The following IGSF3 variants were observed in gnomAD, a reference collection of about 807,000 sequenced individuals.
IGSF3 encodes the protein immunoglobulin superfamily member 3, also known as glu-Trp-Ile EWI motif-containing protein 3.
A neutral mutation model predicts 114.4 loss-of-function variants in IGSF3; 23 were observed. The observed-to-expected ratio is 0.20, with a 90% CI of 0.14 to 0.28. IGSF3 has a LOEUF of 0.28. IGSF3 is among the 10% of genes least tolerant of loss of function. The pLI, the probability that IGSF3 is intolerant of heterozygous loss-of-function variation, is 1.00. For missense variants in IGSF3, 1,172 were observed against 1,591.5 expected (o/e 0.74, Z 4.48); for synonymous variants, 571 against 645.2 (o/e 0.88, Z 1.74).
Position 116,575,090 on chromosome 1 carries a change from A to T in IGSF3, c.*2222T>A, listed in dbSNP as rs1438308059. On this transcript the variant is annotated 3_prime_UTR_variant, in exon 11 of 11. Coordinates refer to ENST00000369486, the MANE Select transcript of IGSF3 (RefSeq NM_001007237.3). The surrounding 1 kb of genome is among the most constrained non-coding windows in gnomAD (Gnocchi z 5.6). ...AATCTTAGTTACACATCCTAGTCCC[A>T]GCCAGCGCTCTGGCAACCTCCCATT... The T allele has an allele frequency of 6.6e-6, 1 of 152,622 alleles. No individual in the cohort carries two copies. Among genetic ancestry groups the T allele is most frequent in the Non-Finnish European group, 1.5e-5 (1 of 68,032 alleles). The allele number at this position is 152,622 out of a possible 1,614,324, so 9.5% of individuals were successfully genotyped here. A position where few individuals can be genotyped will look rare whatever the true frequency, so the allele number is the denominator to read the frequency against.
At chr1:116,606,758 T>C (rs565157102) in intron 5 of IGSF3, among the ~76,000 whole-genome samples, 3 of 152,290 alleles carry the variant, frequency 2.0e-5, no homozygotes, top group Non-Finnish European at 4.4e-5. Context: ...GTAAAGACAG[T>C]GGGCATTCAA....
In IGSF3 at chr1:116,585,114, T is replaced by C; in HGVS notation, c.2441-62A>G. ...ACAACAAGCAATTCGTACGCACCCT[T>C]TCCCAGGGTAGGTGAATGGATGCCT... is the stretch of plus-strand genomic sequence containing the variant. On this transcript the variant is annotated intron_variant, in intron 8 of 10. Coordinates refer to ENST00000369486, the MANE Select transcript of IGSF3 (RefSeq NM_001007237.3). This position sits in a 1 kb window ranked among gnomAD's most constrained non-coding sequence, Gnocchi z 4.9. 7.6e-7 allele frequency: 1 copy of C among 1,322,682 alleles called. No homozygotes were observed. The highest frequency in any genetic ancestry group is 1.5e-5 in the South Asian group (1 of 64,576). The allele number at this position is 1,322,682 out of a possible 1,614,324, so 81.9% of individuals were successfully genotyped here. A position where few individuals can be genotyped will look rare whatever the true frequency, so the allele number is the denominator to read the frequency against.
In IGSF3 at chr1:116,629,928, T is replaced by C. The variant is rs1250892698; in HGVS notation, c.44-13471A>G. Among the ~76,000 whole-genome samples, 1 of 152,216 alleles carries C rather than the reference T, an allele frequency of 6.6e-6. No homozygotes were observed. The highest frequency in any genetic ancestry group is 2.4e-5 in the African/African-American group (1 of 41,458). Reference sequence around the variant, plus strand: ...AGGCATTAACAGAGACTGTGAGCCCTGATGAAAATCATCCTTTCAGGGTAC... The same window carrying C: ...AGGCATTAACAGAGACTGTGAGCCCCGATGAAAATCATCCTTTCAGGGTAC... On this transcript the variant is annotated intron_variant, in intron 2 of 10. Coordinates refer to ENST00000369486, the MANE Select transcript of IGSF3 (RefSeq NM_001007237.3). This position sits in a 1 kb window ranked among gnomAD's most constrained non-coding sequence, Gnocchi z 4.3.
At chr1:116,597,324 A>G (rs1040105257) in intron 7 of IGSF3, among the ~76,000 whole-genome samples, 32 of 152,368 alleles carry the variant, frequency 2.1e-4, no homozygotes, top group African/African-American at 7.2e-4. Flanking sequence ...TTTCCCCAAA[A>G]TGAATGCACC....
At chr1:116,601,142 A>G (rs1011333692) in intron 6 of IGSF3, among the ~76,000 whole-genome samples, 9 of 152,200 alleles carry the variant, frequency 5.9e-5, no homozygotes, top group Admixed American at 3.3e-4. Flanking sequence ...CTTTGCTCTC[A>G]TCATGCTCCA....
In IGSF3 at chr1:116,644,367, T is replaced by C. The variant is rs1402596828; in HGVS notation, c.43+21917A>G. Among the ~76,000 whole-genome samples the C allele has an allele frequency of 2.0e-5, 3 of 152,210 alleles. No individual in the cohort carries two copies. Among genetic ancestry groups the C allele is most frequent in the East Asian group, 3.9e-4 (2 of 5,182 alleles). On this transcript the variant is annotated intron_variant, in intron 2 of 10. Coordinates refer to ENST00000369486, the MANE Select transcript of IGSF3 (RefSeq NM_001007237.3). The surrounding 1 kb of genome is among the most constrained non-coding windows in gnomAD (Gnocchi z 5.6). ...CAAGCTCCAGACGGGAGATGCGCCA[T>C]ATAACAGCAGCAGTTCCACACAGCC...
intron 7 of IGSF3, among the ~76,000 whole-genome samples, chr1:116,597,725 A>G (rs1005682639): frequency 6.6e-6 from 1 of 152,200 alleles, no homozygotes; most frequent in African/African-American, 2.4e-5. Context: ...CCCTCCAGCT[A>G]CTTTACCCAG....
In IGSF3 at chr1:116,603,791, A is replaced by G; in HGVS notation, c.1457T>C (p.Met486Thr). ...GAACGAGTTGGGCTGCACCTGCTCC[A>G]TCTGGACGCCCCCAAAGCTGCTGCG... ...WERSSFGGVQ[M>T]EQVQPNSFSL... Residue 486 changes from methionine to threonine, a missense_variant, in exon 6 of 11, where the codon ATG becomes ACG. Transcript: ENST00000369486. The surrounding 1 kb of genome is among the most constrained non-coding windows in gnomAD (Gnocchi z 7.1). The G allele has an allele frequency of 6.2e-7, 1 of 1,613,992 alleles. No individual in the cohort carries two copies. The highest frequency in any genetic ancestry group is 8.5e-7 in the Non-Finnish European group (1 of 1,179,866).
rs750696697 is a variant in IGSF3 at position 116,577,459 on chromosome 1, C to T, written c.3438G>A (p.Leu1146=). The T allele has an allele frequency of 6.2e-7, 1 of 1,614,104 alleles. No individual in the cohort carries two copies. Among genetic ancestry groups the T allele is most frequent in the Non-Finnish European group, 8.5e-7 (1 of 1,180,008 alleles). The change falls in exon 11 of 11, where the codon CTG becomes CTA. Residue 1146 remains leucine (L), a synonymous_variant. Transcript: ENST00000369486. This position sits in a 1 kb window ranked among gnomAD's most constrained non-coding sequence, Gnocchi z 5.7. ...IFGILIITIL[L]VRFKSRNSSK... ...TGGAGTTCCGGCTCTTGAAACGCAC[C>T]AGAAGGATGGTGATGATAAGAATGC...
In IGSF3 at chr1:116,613,931, G is replaced by C. The variant is rs1358541070; in HGVS notation, c.666C>G (p.Asp222Glu). 3 of 1,613,840 alleles carry C rather than the reference G, an allele frequency of 1.9e-6. No homozygotes were observed. In the South Asian group the frequency reaches 3.3e-5, roughly 18 times the overall value. ...QRQSLGEVRLDKLGRTTFRLT... is the reference protein window; with the variant it reads ...QRQSLGEVRLEKLGRTTFRLT... ...GGCGGAAGGTGGTCCTCCCCAGCTT[G>C]TCCAGCCGCACCTCCCCCAGGCTCT... Residue 222 changes from aspartate (D) to glutamate (E), a missense_variant, in exon 4 of 11, where the codon GAC (aspartate) becomes GAG (glutamate). This residue lies in a region of IGSF3 where 736 missense variants were observed against 1,042.0 expected (regional missense o/e 0.71). Coordinates refer to ENST00000369486, the MANE Select transcript of IGSF3 (RefSeq NM_001007237.3).
chr1:116,613,318 G>T (rs1474715769), intron 4 of IGSF3, among the ~76,000 whole-genome samples: 1 of 152,144 alleles, frequency 6.6e-6, no homozygotes, highest in Non-Finnish European at 1.5e-5. Flanking sequence ...GTTAGACCTT[G>T]GATGGAAGTC....
At chr1:116,640,179 G>A (rs2101052900) in intron 2 of IGSF3, among the ~76,000 whole-genome samples, 1 of 152,150 alleles carries the variant, frequency 6.6e-6, no homozygotes, top group East Asian at 1.9e-4. Context: ...AGCAGCCATT[G>A]CAAGTTTATC....
rs1364915969 is a variant in IGSF3, at chr1:116,666,722, G to A, written c.-396C>T. 1 of 485,432 alleles carries A rather than the reference G, an allele frequency of 2.1e-6. No individual in the cohort carries two copies. Among genetic ancestry groups the A allele is most frequent in the African/African-American group, 2.0e-5 (1 of 50,618 alleles). The allele number at this position is 485,432 out of a possible 1,614,324, so 30.1% of individuals were successfully genotyped here. A position where few individuals can be genotyped will look rare whatever the true frequency, so the allele number is the denominator to read the frequency against. ...ATGTCCTTGGCTTCTCAGTGAAGGT[G>A]TCTGTGATCTCCCTCATTCGGATTC... On this transcript the variant is annotated 5_prime_UTR_variant, in exon 2 of 11. Transcript: ENST00000369486.
intron 2 of IGSF3, among the ~76,000 whole-genome samples, chr1:116,619,598 C>T (rs1661343960): frequency 6.6e-6 from 1 of 152,166 alleles, no homozygotes; most frequent in Admixed American, 6.5e-5. Flanking sequence ...TTTAATTCCC[C>T]TTCCACACAT....
At chr1:116,591,985 T>C (rs1206343137) in intron 7 of IGSF3, among the ~76,000 whole-genome samples, 1 of 152,214 alleles carries the variant, frequency 6.6e-6, no homozygotes, top group Non-Finnish European at 1.5e-5. Context: ...CAGTGAATTT[T>C]AGCTATTCTC....
At position 116,647,121 on chromosome 1, in the gene IGSF3, G is replaced by C. The variant is rs975764394; in HGVS notation, c.43+19163C>G. Among the ~76,000 whole-genome samples the C allele has an allele frequency of 5.9e-5, 9 of 152,194 alleles. No individual in the cohort carries two copies. The highest frequency in any genetic ancestry group is 1.3e-4 in the Non-Finnish European group (9 of 68,036). ...AAACTGGGGGACACTTAGAGGCAAA[G>C]GTATGGCAGGTGACAAAAAAGATGA... On this transcript the variant is annotated intron_variant, in intron 2 of 10. Coordinates refer to ENST00000369486, the MANE Select transcript of IGSF3 (RefSeq NM_001007237.3). The surrounding 1 kb of genome is among the most constrained non-coding windows in gnomAD (Gnocchi z 4.6).
At chr1:116,640,532 G>T (rs1216823836) in intron 2 of IGSF3, among the ~76,000 whole-genome samples, 1 of 152,090 alleles carries the variant, frequency 6.6e-6, no homozygotes, top group African/African-American at 2.4e-5. Flanking sequence ...GTTTAAAATG[G>T]CATCACACTG....
intron 6 of IGSF3, among the ~76,000 whole-genome samples, chr1:116,602,163 G>A (rs1156271914): frequency 6.6e-6 from 1 of 152,236 alleles, no homozygotes; most frequent in African/African-American, 2.4e-5. Context: ...AGGTATCTCA[G>A]TGGTGGAGAT....
Position 116,582,806 on chromosome 1 carries a change from T to C in IGSF3, c.2848+1839A>G, listed in dbSNP as rs1287583082. On this transcript the variant is annotated intron_variant, in intron 9 of 10. Transcript: ENST00000369486. This position sits in a 1 kb window ranked among gnomAD's most constrained non-coding sequence, Gnocchi z 4.7. ...AAAGACCAAAAAATATACACCAAAT[T>C]ATTAATAGTAGATATTTGTAGGCCG... Among the ~76,000 whole-genome samples, 1 of 152,178 alleles carries C rather than the reference T, an allele frequency of 6.6e-6. No homozygotes were observed. The highest frequency in any genetic ancestry group is 1.5e-5 in the Non-Finnish European group (1 of 68,032).
Sources: allele counts gnomAD v4.1 joint callset (sites outside exome capture counted in the v4.1 genomes callset), GRCh38; gene constraint gnomAD v4.1.1; regional missense constraint gnomAD v4.1.1; non-coding constraint Gnocchi (gnomAD v3.1); transcripts MANE v1.5; gene names NCBI Gene and HGNC (gene_info 2026-07-23, HGNC 2026-07-21).